The following JAK1 variants were observed in gnomAD, a reference collection of about 807,000 sequenced individuals.
JAK1 encodes the protein Janus kinase 1.
Under a neutral mutation model 136.6 loss-of-function variants are expected in JAK1, and 16 were observed. The observed-to-expected ratio is 0.12, with a 90% CI of 0.08 to 0.18. The LOEUF (loss-of-function observed/expected upper bound fraction) is 0.18, where lower values mean the gene tolerates loss of function less well. Ranked by LOEUF, JAK1 falls within the 10% of genes least tolerant of loss-of-function variation. The pLI is 1.00. For synonymous variants in JAK1, 492 were observed against 519.5 expected, an observed-to-expected ratio of 0.95 and a Z score of 0.72; for missense variants, 859 against 1,450.1, an observed-to-expected ratio of 0.59 and a Z score of 6.62.
intron 2 of JAK1, among the ~76,000 whole-genome samples, chr1:65,022,503 A>G (rs775682686): frequency 1.3e-5 from 2 of 152,144 alleles, no homozygotes; most frequent in Non-Finnish European, 2.9e-5. Flanking sequence ...TAAACTGATC[A>G]GTAGGTAGTA....
At chr1:64,896,300 T>C (rs1645012654) in intron 1 of JAK1, among the ~76,000 whole-genome samples, 2 of 152,226 alleles carry the variant, frequency 1.3e-5, no homozygotes, top group South Asian at 4.1e-4. Flanking sequence ...CTGGCATCCA[T>C]TTCAAAGTAT....
intron 2 of JAK1, among the ~76,000 whole-genome samples, chr1:65,000,748 G>C (rs550752045): frequency 2.9e-4 from 44 of 152,068 alleles, no homozygotes; most frequent in African/African-American, 1.0e-3. Flanking sequence ...TGTTAACAGT[G>C]GTTTTCTGGG....
At chr1:64,989,008 A>G (rs200920501) in intron 2 of JAK1, among the ~76,000 whole-genome samples, 10,529 of 116,540 alleles carry the variant, frequency 0.09, 825 homozygotes, top group East Asian at 0.51. Context: ...GTGTGTATAT[A>G]TATATATATA....
At chr1:64,999,652 T>A (rs1174840891) in intron 2 of JAK1, among the ~76,000 whole-genome samples, 2 of 151,554 alleles carry the variant, frequency 1.3e-5, no homozygotes, top group Non-Finnish European at 2.9e-5. Context: ...GGAGGATCAC[T>A]TAAGCCAGGG....
chr1:65,015,541 A>C (rs2100779999), intron 2 of JAK1, among the ~76,000 whole-genome samples: 1 of 152,302 alleles, frequency 6.6e-6, no homozygotes, highest in East Asian at 1.9e-4. Context: ...AGAGAAAGCA[A>C]AATGTAAAGT....
Position 64,836,218 on chromosome 1 carries a change from T to C in JAK1, c.3141-3A>G. 6.4e-7 allele frequency: 1 copy of C among 1,556,426 alleles called. No individual in the cohort carries two copies. The highest frequency in any genetic ancestry group is 8.9e-7 in the Non-Finnish European group (1 of 1,127,944). On this transcript the variant is annotated splice_region_variant and splice_polypyrimidine_tract_variant and intron_variant, in intron 22 of 24. Transcript: ENST00000342505. ...GCATTAAACATTCTGGAGCATACCT[T>C]GAAAGGAAGCAGAACACAAAACTTC...
chr1:65,052,744 G>A (rs2935413), intron 1 of JAK1, among the ~76,000 whole-genome samples: 10,599 of 151,188 alleles, frequency 0.07, 639 homozygotes, highest in East Asian at 0.31. Context: ...AACCCGGGAG[G>A]CAGAGCTTGC....
chr1:64,842,001 TAGAC>T (rs1343293730), intron 17 of JAK1, among the ~76,000 whole-genome samples: 4 of 152,216 alleles, frequency 2.6e-5, no homozygotes, highest in Non-Finnish European at 4.4e-5. Context: ...CCTGCAGAAT[TAGAC>T]AGAACACTGG....
intron 2 of JAK1, among the ~76,000 whole-genome samples, chr1:65,017,778 A>G (rs1185749085): frequency 2.0e-5 from 3 of 152,164 alleles, no homozygotes; most frequent in African/African-American, 7.2e-5. Context: ...TGGGTCAAAG[A>G]AGAAATCATA....
At chr1:64,954,104 T>G (rs1193865767) in intron 1 of JAK1, among the ~76,000 whole-genome samples, 1 of 152,242 alleles carries the variant, frequency 6.6e-6, no homozygotes, top group Non-Finnish European at 1.5e-5. Context: ...GTTCTCATTT[T>G]AAATACCAAT....
At chr1:64,861,341 A>T (rs1046992892) in intron 8 of JAK1, among the ~76,000 whole-genome samples, 52 of 152,070 alleles carry the variant, frequency 3.4e-4, no homozygotes, top group Admixed American at 1.6e-3. Flanking sequence ...TCTTACTCAG[A>T]GTGGGAAGAG....
chr1:64,886,397 AAG>A, intron 1 of JAK1, 56 bp from the exon 2 acceptor site: 1 of 996,382 alleles, frequency 1.0e-6, no homozygotes, highest in Non-Finnish European at 1.4e-6. Flanking sequence ...ATCTGAAAAT[AAG>A]AGGGCATTTT....
chr1:64,864,659 C>T, intron 8 of JAK1, 128 bp downstream of exon 8: 1 of 745,116 alleles, frequency 1.3e-6, no homozygotes, highest in South Asian at 2.0e-5. Context: ...AACTTTTTGG[C>T]TTCAATAAGA....
intron 1 of JAK1, among the ~76,000 whole-genome samples, chr1:64,905,753 A>G (rs1645179876): frequency 3.3e-5 from 5 of 152,172 alleles, no homozygotes; most frequent in African/African-American, 9.7e-5. Flanking sequence ...TAGTCATGCA[A>G]TTAAGCACTA....
chr1:65,016,976 C>T (rs1162558015), intron 2 of JAK1, among the ~76,000 whole-genome samples: 3 of 151,960 alleles, frequency 2.0e-5, no homozygotes, highest in African/African-American at 7.3e-5. Flanking sequence ...AAAATTACAA[C>T]AATAAAGATA....
At chr1:64,965,145 CCT>C (rs1646349759) in intron 1 of JAK1, among the ~76,000 whole-genome samples, 1 of 152,166 alleles carries the variant, frequency 6.6e-6, no homozygotes, top group Admixed American at 6.5e-5. Flanking sequence ...CCAAACACGC[CCT>C]GATTTACATC....
intron 1 of JAK1, among the ~76,000 whole-genome samples, chr1:65,052,860 TC>T (rs1647345273): frequency 4.9e-5 from 1 of 20,558 alleles, no homozygotes; most frequent in Admixed American, 6.5e-4. Context: ...AGACTCCATC[TC>T]AAAAAAAAAA....
At chr1:65,054,481 T>C (rs1251234155) in intron 1 of JAK1, among the ~76,000 whole-genome samples, 1 of 150,856 alleles carries the variant, frequency 6.6e-6, no homozygotes, top group Non-Finnish European at 1.5e-5. Context: ...TTTGAAACAC[T>C]AAACATTAGG....
intron 3 of JAK1, among the ~76,000 whole-genome samples, 189 bp downstream of exon 3, chr1:64,883,088 G>A (rs962835338): frequency 3.9e-5 from 6 of 152,172 alleles, no homozygotes; most frequent in African/African-American, 9.7e-5. Flanking sequence ...AGTGAAAAGC[G>A]AAACCCTCAG....
Sources: gnomAD v4.1 joint callset for allele counts (sites outside exome capture counted in the v4.1 genomes callset) on GRCh38, gnomAD v4.1.1 for gene constraint, MANE v1.5 for transcripts, NCBI Gene and HGNC (gene_info 2026-07-23, HGNC 2026-07-21) for gene names.